The following RAD51B variants were observed in gnomAD, a reference collection of about 807,000 sequenced individuals.
The protein encoded by RAD51B is RAD51 paralog B.
Under a neutral mutation model 42.2 loss-of-function variants are expected in RAD51B, and 38 were observed. That is an observed-to-expected ratio of 0.90 (90% CI 0.70 to 1.18). The LOEUF (loss-of-function observed/expected upper bound fraction) is 1.18, where lower values mean the gene tolerates loss of function less well. RAD51B is among the 50% of genes most tolerant of loss of function. RAD51B has a pLI of 0.00. For missense variants in RAD51B, 373 were observed against 400.7 expected (o/e 0.93, Z 0.59); for synonymous variants, 154 against 145.2 (o/e 1.06, Z -0.43).
At chr14:68,500,269 C>A (rs1278543616) in intron 10 of RAD51B, among the ~76,000 whole-genome samples, 1 of 152,186 alleles carries the variant, frequency 6.6e-6, no homozygotes, top group South Asian at 2.1e-4. Flanking sequence ...ATACATTATC[C>A]CATTTAATCC....
chr14:68,623,284 T>C (rs1355468884), intron 10 of RAD51B, among the ~76,000 whole-genome samples: 1 of 152,164 alleles, frequency 6.6e-6, no homozygotes, highest in Admixed American at 6.5e-5. Context: ...TAAAATGCCC[T>C]GAAACTCTCC....
At chr14:67,940,035 T>TATATA (rs1566969122) in intron 7 of RAD51B, among the ~76,000 whole-genome samples, 1 of 20,186 alleles carries the variant, frequency 5.0e-5, no homozygotes, top group Non-Finnish European at 9.6e-5. Context: ...TATATATATA[T>TATATA]ATATATATAT....
At chr14:68,606,746 A>G (rs142547376) in intron 10 of RAD51B, among the ~76,000 whole-genome samples, 255 of 152,362 alleles carry the variant, frequency 1.7e-3, no homozygotes, top group African/African-American at 6.0e-3. Context: ...AGCTCATTCA[A>G]GATGACACAG....
At chr14:68,085,153 CT>C (rs1222317720) in intron 7 of RAD51B, among the ~76,000 whole-genome samples, 1 of 152,044 alleles carries the variant, frequency 6.6e-6, no homozygotes, top group Non-Finnish European at 1.5e-5. Context: ...TTGGAGCTGC[CT>C]TTGAGACATC....
Position 68,189,503 on chromosome 14 carries a change from A to G in RAD51B, c.757-102381A>G, listed in dbSNP as rs77261650. On this transcript the variant is annotated intron_variant, in intron 7 of 10. Coordinates refer to ENST00000471583, the MANE Select transcript of RAD51B (RefSeq NM_133510.4). Reference sequence around the variant, plus strand: ...AATTATAGATCAGTGACTAAAAACAAATTTCATCCATTTTTCTACTCACTT... The same window carrying G: ...AATTATAGATCAGTGACTAAAAACAGATTTCATCCATTTTTCTACTCACTT... 3.3e-3 allele frequency among the ~76,000 whole-genome samples: 496 copies of G among 152,262 alleles called. 1 individual carries two copies. The highest frequency in any genetic ancestry group is 0.011 in the African/African-American group (471 of 41,540).
intron 7 of RAD51B, among the ~76,000 whole-genome samples, chr14:67,913,425 G>T (rs1468429487): frequency 6.6e-6 from 1 of 152,156 alleles, no homozygotes; most frequent in African/African-American, 2.4e-5. Context: ...TATCTGCAAA[G>T]TTAAAACTAT....
At chr14:68,070,640 T>C (rs954697095) in intron 7 of RAD51B, among the ~76,000 whole-genome samples, 13 of 152,236 alleles carry the variant, frequency 8.5e-5, no homozygotes, top group African/African-American at 3.1e-4. Context: ...TGCCTGTGTG[T>C]CTGTTTTTGT....
At chr14:68,292,923 C>T (rs1286948355) in intron 8 of RAD51B, among the ~76,000 whole-genome samples, 1 of 152,214 alleles carries the variant, frequency 6.6e-6, no homozygotes, top group Non-Finnish European at 1.5e-5. Context: ...CATCATAACC[C>T]CTATCAGCGA....
At chr14:68,681,164 A>C (rs561521721) in intron 11 of RAD51B, among the ~76,000 whole-genome samples, 1 of 152,296 alleles carries the variant, frequency 6.6e-6, no homozygotes, top group East Asian at 1.9e-4. Context: ...GGTGGGCCTC[A>C]GTTTACCTTC....
chr14:67,915,747 AG>A (rs1330520723), intron 7 of RAD51B, among the ~76,000 whole-genome samples: 1 of 152,202 alleles, frequency 6.6e-6, no homozygotes, highest in Non-Finnish European at 1.5e-5. Context: ...TTTGTTTGTT[AG>A]TATTGTCTAA....
chr14:68,293,994 A>C (rs906629695), intron 8 of RAD51B, among the ~76,000 whole-genome samples: 4 of 152,202 alleles, frequency 2.6e-5, no homozygotes, highest in Admixed American at 6.5e-5. Flanking sequence ...ACATTGTTAA[A>C]AATTGTTATA....
At chr14:68,253,453 A>T (rs114229260) in intron 7 of RAD51B, among the ~76,000 whole-genome samples, 24 of 152,314 alleles carry the variant, frequency 1.6e-4, no homozygotes, top group African/African-American at 5.8e-4. Flanking sequence ...TGGCTTATAC[A>T]GTAAGGCTAT....
intron 8 of RAD51B, among the ~76,000 whole-genome samples, chr14:68,409,359 G>T (rs1412387746): frequency 6.6e-6 from 1 of 152,106 alleles, no homozygotes; most frequent in Non-Finnish European, 1.5e-5. Flanking sequence ...TCTTAGTGGG[G>T]GTGAAGAAGT....
chr14:68,288,044 A>G (rs1289761833), intron 7 of RAD51B, among the ~76,000 whole-genome samples: 3 of 152,238 alleles, frequency 2.0e-5, no homozygotes, highest in Non-Finnish European at 2.9e-5. Context: ...AGTACTGAGC[A>G]TCAGAAGACT....
At chr14:68,480,249 T>A (rs927906606), downstream of RAD51B, among the ~76,000 whole-genome samples, 1 of 151,796 alleles carries the variant, frequency 6.6e-6, no homozygotes, top group Non-Finnish European at 1.5e-5. Context: ...ACTTTTGTAC[T>A]TTTTTTTAGT....
chr14:68,157,794 A>G (rs1348207749), intron 7 of RAD51B, among the ~76,000 whole-genome samples: 1 of 152,152 alleles, frequency 6.6e-6, no homozygotes, highest in East Asian at 1.9e-4. Context: ...TTGTTTGTTT[A>G]TTTATATGTA....
intron 10 of RAD51B, among the ~76,000 whole-genome samples, chr14:68,577,797 T>A (rs1890030591): frequency 6.6e-6 from 1 of 152,198 alleles, no homozygotes; most frequent in Non-Finnish European, 1.5e-5. Flanking sequence ...TTTCTCAAAG[T>A]TGTGTCCCCG....
intron 10 of RAD51B, among the ~76,000 whole-genome samples, chr14:68,569,435 C>T (rs1211294802): frequency 6.6e-6 from 1 of 152,228 alleles, no homozygotes; most frequent in Non-Finnish European, 1.5e-5. Flanking sequence ...AATGAGCGCT[C>T]TTTCTCCCCT....
At chr14:68,459,237 G>C (rs2085780763) in intron 9 of RAD51B, among the ~76,000 whole-genome samples, 1 of 152,242 alleles carries the variant, frequency 6.6e-6, no homozygotes, top group South Asian at 2.1e-4. Context: ...GGAAGGGACA[G>C]AAGACTTTGG....
Sources: gnomAD v4.1 joint callset for allele counts (sites outside exome capture counted in the v4.1 genomes callset) on GRCh38, gnomAD v4.1.1 for gene constraint, MANE v1.5 for transcripts, NCBI Gene and HGNC (gene_info 2026-07-23, HGNC 2026-07-21) for gene names.